TSPAN5: variants seen among roughly 807,000 people sequenced by gnomAD.
TSPAN5 encodes the protein tetraspanin-5.
In TSPAN5, 10 loss-of-function variants were observed where a neutral mutation model predicts 37.1. That is an observed-to-expected ratio of 0.27 (90% confidence interval 0.17 to 0.46). The LOEUF (loss-of-function observed/expected upper bound fraction) is 0.46. TSPAN5 is among the 20% of genes least tolerant of loss of function. The pLI, the probability that TSPAN5 is intolerant of heterozygous loss-of-function variation, is 1.00. For missense variants in TSPAN5, 195 were observed against 326.6 expected, an observed-to-expected ratio of 0.60 and a Z score of 3.11; for synonymous variants, 110 against 118.9, an observed-to-expected ratio of 0.93 and a Z score of 0.48.
chr4:98,598,062 C>G (rs1755788709), intron 1 of TSPAN5, among the ~76,000 whole-genome samples: 1 of 82,574 alleles, frequency 1.2e-5, no homozygotes, highest in Non-Finnish European at 2.1e-5. Flanking sequence ...AGTTTGATCT[C>G]AGACTGCTGT....
rs1445057673 is a variant in TSPAN5, at chr4:98,476,194, G to A, written c.736C>T (p.Leu246=). The A allele has an allele frequency of 1.2e-6, 2 of 1,612,718 alleles. No individual in the cohort carries two copies. Among genetic ancestry groups the A allele is most frequent in the Non-Finnish European group, 1.7e-6 (2 of 1,178,730 alleles). The change falls in exon 7 of 8, where the codon CTG becomes TTG. Residue 246 remains leucine, a synonymous_variant. Coordinates refer to ENST00000305798, the MANE Select transcript of TSPAN5 (RefSeq NM_005723.4). ...VAGIFIGIAL[L]QIFGICLAQN... is the part of the protein sequence containing the mutation. Reference sequence around the variant, plus strand: ...ATAAAGGACCCTTATCTTACCTGCAGCAATGCAATGCCTATGAAAATACCA... The same window carrying A: ...ATAAAGGACCCTTATCTTACCTGCAACAATGCAATGCCTATGAAAATACCA...
At chr4:98,549,962 C>T (rs1754570265) in intron 1 of TSPAN5, among the ~76,000 whole-genome samples, 1 of 151,964 alleles carries the variant, frequency 6.6e-6, no homozygotes, top group Non-Finnish European at 1.5e-5. Flanking sequence ...AATTCTTTGC[C>T]TGGGCCAATG....
At chr4:98,544,179 CTGAA>C (rs150914789) in intron 1 of TSPAN5, among the ~76,000 whole-genome samples, 5 of 152,058 alleles carry the variant, frequency 3.3e-5, no homozygotes, top group African/African-American at 7.2e-5. Context: ...GACCCTGTCT[CTGAA>C]TGAATGAATG....
chr4:98,572,753 C>T (rs1486254590), intron 1 of TSPAN5, among the ~76,000 whole-genome samples: 6 of 152,198 alleles, frequency 3.9e-5, no homozygotes, highest in Non-Finnish European at 8.8e-5. Context: ...TCTCTTATAC[C>T]CATTAAAGTA....
intron 1 of TSPAN5, among the ~76,000 whole-genome samples, chr4:98,592,421 G>GTTTTTTTTT (rs1204813183): frequency 4.4e-4 from 42 of 95,236 alleles, no homozygotes; most frequent in African/African-American, 8.8e-4. Flanking sequence ...AGGGATCTCT[G>GTTTTTTTTT]TTTTTTGTTT....
At chr4:98,632,983 C>T (rs56754860) in intron 1 of TSPAN5, among the ~76,000 whole-genome samples, 7,360 of 152,116 alleles carry the variant, frequency 0.048, 603 homozygotes, top group African/African-American at 0.17. Context: ...AAGCATGAAC[C>T]GTAGGCAGGA....
intron 3 of TSPAN5, chr4:98,485,551 TG>T (rs1752941529): frequency 6.6e-6 from 1 of 152,070 alleles, no homozygotes; most frequent in Non-Finnish European, 1.5e-5. Context: ...CGGTTCTCCT[TG>T]TTAGAATAAG....
chr4:98,506,361 C>G (rs1753477244), intron 2 of TSPAN5, among the ~76,000 whole-genome samples: 1 of 152,196 alleles, frequency 6.6e-6, no homozygotes, highest in Non-Finnish European at 1.5e-5. Flanking sequence ...TTTGTCTCCC[C>G]TCATACATAA....
In TSPAN5 at chr4:98,658,455, G is replaced by A. The variant is rs1260033106; in HGVS notation, c.-229C>T. 6.8e-6 allele frequency: 2 copies of A among 293,064 alleles called. No individual in the cohort carries two copies. The highest frequency in any genetic ancestry group is 5.9e-5 in the East Asian group (1 of 17,016). 18.2% of individuals were successfully genotyped at this position (293,064 alleles called of 1,614,324 possible). A position where few individuals can be genotyped will look rare whatever the true frequency, so the allele number is the denominator to read the frequency against. Reference sequence around the variant, plus strand: ...GAGCCGGGGTGGCCGCGAGAAAGCAGGGAAGCCGCGCGCTGCAAGCTCAAG... The same window carrying A: ...GAGCCGGGGTGGCCGCGAGAAAGCAAGGAAGCCGCGCGCTGCAAGCTCAAG... On this transcript the variant is annotated 5_prime_UTR_variant, in exon 1 of 8. Transcript: ENST00000305798.
chr4:98,538,905 T>C (rs1005797716), intron 1 of TSPAN5, among the ~76,000 whole-genome samples: 10 of 152,242 alleles, frequency 6.6e-5, no homozygotes, highest in Non-Finnish European at 2.9e-5. Context: ...CATCAAAATA[T>C]CATACAGGTA....
intron 1 of TSPAN5, among the ~76,000 whole-genome samples, chr4:98,623,490 A>G (rs1756527442): frequency 6.6e-6 from 1 of 152,234 alleles, no homozygotes; most frequent in African/African-American, 2.4e-5. Flanking sequence ...TCCCACTTCA[A>G]AATTATAGCT....
intron 1 of TSPAN5, among the ~76,000 whole-genome samples, chr4:98,544,954 G>A (rs1754436046): frequency 6.6e-6 from 1 of 152,166 alleles, no homozygotes; most frequent in African/African-American, 2.4e-5. Context: ...TGCCCCCATG[G>A]AGCAGCCCTC....
At chr4:98,607,681 A>G (rs1042705588) in intron 1 of TSPAN5, among the ~76,000 whole-genome samples, 2 of 151,624 alleles carry the variant, frequency 1.3e-5, no homozygotes, top group African/African-American at 4.8e-5. Context: ...GTTGGGAAAA[A>G]AAAGAAACAA....
intron 2 of TSPAN5, among the ~76,000 whole-genome samples, chr4:98,487,590 C>T (rs1753000491): frequency 6.6e-6 from 1 of 151,992 alleles, no homozygotes; most frequent in Admixed American, 6.6e-5. Context: ...AATATCGTAC[C>T]TCAGGATCTA....
At chr4:98,500,857 A>G (rs1753331394) in intron 2 of TSPAN5, among the ~76,000 whole-genome samples, 1 of 152,180 alleles carries the variant, frequency 6.6e-6, no homozygotes, top group East Asian at 1.9e-4. Context: ...TTTCCAGGCC[A>G]GACAAGCCAG....
At chr4:98,609,819 G>A (rs1371188368) in intron 1 of TSPAN5, among the ~76,000 whole-genome samples, 2 of 152,190 alleles carry the variant, frequency 1.3e-5, no homozygotes, top group Non-Finnish European at 1.5e-5. Flanking sequence ...GAGAGACCAG[G>A]GGAGACAGGG....
chr4:98,611,414 G>T (rs928040930), intron 1 of TSPAN5, among the ~76,000 whole-genome samples: 2 of 152,178 alleles, frequency 1.3e-5, no homozygotes, highest in African/African-American at 4.8e-5. Flanking sequence ...CTCTGTGAAT[G>T]AAACTATATC....
intron 1 of TSPAN5, among the ~76,000 whole-genome samples, chr4:98,621,364 CTTTT>C (rs59414794): frequency 7.8e-5 from 8 of 102,652 alleles, no homozygotes; most frequent in Middle Eastern, 5.6e-3. Flanking sequence ...CAATATGTCA[CTTTT>C]TTTTTTTTTT....
At chr4:98,589,264 C>G (rs749808671) in intron 1 of TSPAN5, among the ~76,000 whole-genome samples, 5 of 152,148 alleles carry the variant, frequency 3.3e-5, no homozygotes, top group Non-Finnish European at 7.3e-5. Context: ...AGCAAATTGG[C>G]GCAAACATAT....
Sources: allele counts gnomAD v4.1 joint callset (sites outside exome capture counted in the v4.1 genomes callset), GRCh38; gene constraint gnomAD v4.1.1; transcripts MANE v1.5; gene names NCBI Gene and HGNC (gene_info 2026-07-23, HGNC 2026-07-21).